Variants in LUZP2 observed in about 807,000 individuals in gnomAD.
LUZP2 encodes the protein leucine zipper protein 2.
Under a neutral mutation model 51.6 loss-of-function variants are expected in LUZP2, and 52 were observed. The ratio of observed to expected loss-of-function variants is 1.01; its 90% CI spans 0.81 to 1.27. The LOEUF is 1.27. LUZP2 is among the 50% of genes most tolerant of loss of function. The probability of loss-of-function intolerance (pLI) is 0.00; values close to 1 mark genes in which losing one functional copy is unlikely to be tolerated. For missense variants in LUZP2, 436 were observed against 395.4 expected (o/e 1.10, Z -0.87); for synonymous variants, 154 against 137.3 (o/e 1.12, Z -0.85).
In LUZP2 at chr11:24,992,938, T is replaced by C. The variant is rs113887710; in HGVS notation, c.765+9645T>C. On this transcript the variant is annotated intron_variant, in intron 9 of 11. Coordinates refer to ENST00000336930, the MANE Select transcript of LUZP2 (RefSeq NM_001009909.4). ...TTTATCCAGAAATCTTTTCATTATT[T>C]GAATTTGAAAATTACCTGAAGTGAA... 2.0e-4 allele frequency among the ~76,000 whole-genome samples: 30 copies of C among 152,268 alleles called. 1 individual carries two copies. Among genetic ancestry groups the C allele is most frequent in the African/African-American group, 6.7e-4 (28 of 41,568 alleles).
intron 4 of LUZP2, among the ~76,000 whole-genome samples, chr11:24,741,963 TAAA>T (rs1859181674): frequency 8.1e-6 from 1 of 123,920 alleles, no homozygotes; most frequent in Admixed American, 8.8e-5. Context: ...ATATTATATA[TAAA>T]TATATACATT....
intron 6 of LUZP2, 141 bp from the exon 7 acceptor site, chr11:24,914,335 G>A: frequency 3.1e-6 from 2 of 638,962 alleles, no homozygotes; most frequent in Non-Finnish European, 5.5e-6. Flanking sequence ...AGAGCTAAGG[G>A]TTTCTGCTTT....
At chr11:24,581,179 G>A (rs1457913370) in intron 1 of LUZP2, among the ~76,000 whole-genome samples, 2 of 135,166 alleles carry the variant, frequency 1.5e-5, no homozygotes, top group Non-Finnish European at 3.1e-5. Flanking sequence ...ATCCTTGGAT[G>A]TATACCCTTT....
At chr11:24,801,990 T>C (rs1331517230) in intron 5 of LUZP2, among the ~76,000 whole-genome samples, 1 of 151,986 alleles carries the variant, frequency 6.6e-6, no homozygotes, top group Non-Finnish European at 1.5e-5. Flanking sequence ...TTAATGATTT[T>C]CTGAAACTGA....
intron 1 of LUZP2, among the ~76,000 whole-genome samples, chr11:24,615,198 A>T (rs1416565800): frequency 1.3e-5 from 2 of 151,906 alleles, no homozygotes; most frequent in African/African-American, 4.8e-5. Flanking sequence ...ATGACATTTC[A>T]TAAAACTATA....
chr11:24,945,635 A>G (rs1854877844), intron 7 of LUZP2, among the ~76,000 whole-genome samples: 1 of 151,756 alleles, frequency 6.6e-6, no homozygotes, highest in Non-Finnish European at 1.5e-5. Flanking sequence ...TCTATGAACA[A>G]CCTCTATCTA....
chr11:24,524,747 AT>A (rs1052985165), intron 1 of LUZP2, among the ~76,000 whole-genome samples: 6 of 151,836 alleles, frequency 4.0e-5, no homozygotes, highest in African/African-American at 1.2e-4. Context: ...ACTGAGGCAT[AT>A]TTGAATGTTC....
At chr11:24,962,690 C>T (rs571490868) in intron 7 of LUZP2, among the ~76,000 whole-genome samples, 1 of 152,106 alleles carries the variant, frequency 6.6e-6, no homozygotes, top group Admixed American at 6.5e-5. Flanking sequence ...AAGTTTTTAA[C>T]TTCTTTGCCT....
chr11:24,874,013 A>G (rs1311809296), intron 5 of LUZP2, among the ~76,000 whole-genome samples: 1 of 152,166 alleles, frequency 6.6e-6, no homozygotes, highest in Non-Finnish European at 1.5e-5. Flanking sequence ...CAGATACTGT[A>G]GAATAACTAT....
chr11:24,627,307 T>C (rs1854715830), intron 1 of LUZP2, among the ~76,000 whole-genome samples: 1 of 152,052 alleles, frequency 6.6e-6, no homozygotes, highest in East Asian at 1.9e-4. Flanking sequence ...ATTGGGAAAA[T>C]GTGCCCAGAA....
At chr11:24,662,433 T>C (rs1856053670) in intron 1 of LUZP2, among the ~76,000 whole-genome samples, 1 of 152,130 alleles carries the variant, frequency 6.6e-6, no homozygotes, top group Non-Finnish European at 1.5e-5. Context: ...GGAATTATAA[T>C]ATGATTTACA....
chr11:24,661,752 T>C (rs2133983482), intron 1 of LUZP2, among the ~76,000 whole-genome samples: 1 of 152,320 alleles, frequency 6.6e-6, no homozygotes, highest in Middle Eastern at 3.4e-3. Context: ...ATAAATATGG[T>C]GAAATAGTAA....
intron 4 of LUZP2, among the ~76,000 whole-genome samples, chr11:24,740,230 G>A (rs1201389091): frequency 6.6e-6 from 1 of 152,120 alleles, no homozygotes. Flanking sequence ...ACAGCTATAA[G>A]CTAAGGCATG....
At chr11:24,632,629 C>T (rs1854935511) in intron 1 of LUZP2, among the ~76,000 whole-genome samples, 2 of 151,930 alleles carry the variant, frequency 1.3e-5, no homozygotes, top group African/African-American at 4.8e-5. Flanking sequence ...CAGGGCAATC[C>T]TAACAGCATC....
chr11:24,901,034 A>G (rs1422412371), intron 5 of LUZP2, among the ~76,000 whole-genome samples: 1 of 152,044 alleles, frequency 6.6e-6, no homozygotes, highest in Non-Finnish European at 1.5e-5. Flanking sequence ...TTTCTTCCAT[A>G]TGGTACTTCA....
chr11:24,705,383 A>G (rs1048806197), intron 1 of LUZP2, among the ~76,000 whole-genome samples: 1 of 152,208 alleles, frequency 6.6e-6, no homozygotes, highest in Non-Finnish European at 1.5e-5. Flanking sequence ...AACAAAATCA[A>G]TCGAGGTTTT....
chr11:24,963,510 A>C (rs980800384), intron 7 of LUZP2, among the ~76,000 whole-genome samples: 4 of 152,156 alleles, frequency 2.6e-5, no homozygotes, highest in Non-Finnish European at 5.9e-5. Context: ...CTTGCAGTTT[A>C]ATCTCAGACT....
chr11:24,894,398 T>C (rs1852964910), intron 5 of LUZP2, among the ~76,000 whole-genome samples: 1 of 152,082 alleles, frequency 6.6e-6, no homozygotes, highest in Admixed American at 6.6e-5. Flanking sequence ...TGGTATCGAA[T>C]TCCTGACCTC....
At chr11:24,916,501 C>A (rs1015449149) in intron 7 of LUZP2, among the ~76,000 whole-genome samples, 12 of 151,970 alleles carry the variant, frequency 7.9e-5, no homozygotes, top group African/African-American at 2.9e-4. Context: ...CACCCCACAA[C>A]AGGCTGTGGT....
Sources: gnomAD v4.1 joint callset for allele counts (sites outside exome capture counted in the v4.1 genomes callset) on GRCh38, gnomAD v4.1.1 for gene constraint, MANE v1.5 for transcripts, NCBI Gene and HGNC (gene_info 2026-07-23, HGNC 2026-07-21) for gene names.